The following MTHFD1L variants were observed in gnomAD, a reference collection of about 807,000 sequenced individuals.
MTHFD1L encodes the protein methylenetetrahydrofolate dehydrogenase (NADP+ dependent) 1 like, also known as monofunctional C1-tetrahydrofolate synthase, mitochondrial.
In MTHFD1L, 81 loss-of-function variants were observed where a neutral mutation model predicts 119.5. That is an observed-to-expected ratio of 0.68 (90% CI 0.57 to 0.82). MTHFD1L has a LOEUF of 0.82. Ranked by LOEUF, MTHFD1L falls within the 40% of genes least tolerant of loss-of-function variation. The probability of loss-of-function intolerance (pLI) is 0.00; values close to 1 mark genes in which losing one functional copy is unlikely to be tolerated. For missense variants in MTHFD1L, 1,125 were observed against 1,253.4 expected (o/e 0.90, Z 1.55); for synonymous variants, 430 against 475.2 (o/e 0.90, Z 1.24).
intron 20 of MTHFD1L, among the ~76,000 whole-genome samples, chr6:151,000,335 CAAAA>C (rs946814251): frequency 5.3e-5 from 4 of 75,276 alleles, no homozygotes; most frequent in African/African-American, 9.0e-5. Context: ...GACTCTGTCT[CAAAA>C]AAAAAAAAAA....
intron 24 of MTHFD1L, chr6:151,022,226 TC>T (rs1784040370): frequency 6.3e-6 from 2 of 317,696 alleles, no homozygotes; most frequent in Non-Finnish European, 1.3e-5. Flanking sequence ...TCTGGTTGGT[TC>T]TTAAGAAATT....
chr6:150,904,098 A>T (rs1232926642), intron 7 of MTHFD1L, among the ~76,000 whole-genome samples: 1 of 152,124 alleles, frequency 6.6e-6, no homozygotes, highest in Non-Finnish European at 1.5e-5. Flanking sequence ...AAAAGGCATC[A>T]CCTGATGCAC....
Position 151,065,910 on chromosome 6 carries a change from T to C in MTHFD1L, c.2848-26557T>C, listed in dbSNP as rs575511917. 9.2e-4 allele frequency among the ~76,000 whole-genome samples: 140 copies of C among 152,274 alleles called. 1 individual carries two copies. The highest frequency in any genetic ancestry group is 3.3e-3 in the African/African-American group (137 of 41,564). ...CTGTAGAGTAGAAGAACTAAATGTC[T>C]CACACAGGCAAAGACTACTCTTCAA... is the stretch of plus-strand genomic sequence containing the variant. On this transcript the variant is annotated intron_variant, in intron 26 of 27. Transcript: ENST00000367321.
At chr6:151,080,149 G>T (rs1461654962) in intron 26 of MTHFD1L, among the ~76,000 whole-genome samples, 2 of 152,090 alleles carry the variant, frequency 1.3e-5, no homozygotes, top group African/African-American at 4.8e-5. Flanking sequence ...TTGCACTCCA[G>T]CCTGGATGAC....
chr6:151,099,753 G>T, intron 27 of MTHFD1L: 2 of 1,609,682 alleles, frequency 1.2e-6, no homozygotes, highest in East Asian at 2.2e-5. Context: ...GCTTCCGGAA[G>T]TTCCTGGTCC....
At chr6:150,999,969 C>G (rs2128462890) in intron 20 of MTHFD1L, among the ~76,000 whole-genome samples, 1 of 152,328 alleles carries the variant, frequency 6.6e-6, no homozygotes, top group South Asian at 2.1e-4. Context: ...TGCACCACCT[C>G]CAATCTTCCC....
intron 16 of MTHFD1L, among the ~76,000 whole-genome samples, chr6:150,955,184 C>T (rs1392088863): frequency 6.6e-6 from 1 of 152,130 alleles, no homozygotes; most frequent in African/African-American, 2.4e-5. Flanking sequence ...TAATTACTCC[C>T]CTCTTCTGCC....
chr6:150,928,155 G>A lies in MTHFD1L; in HGVS notation c.1256+1860G>A, dbSNP rs114933079. ...AAAGCAAAAATATTATCCAAAACAG[G>A]CCAAGCGCGGTGGCTCACACCTGTA... On this transcript the variant is annotated intron_variant, in intron 11 of 27. Coordinates refer to ENST00000367321, the MANE Select transcript of MTHFD1L (RefSeq NM_015440.5). 8.7e-3 allele frequency among the ~76,000 whole-genome samples: 1,322 copies of A among 152,070 alleles called. 17 individuals carry two copies. The highest frequency in any genetic ancestry group is 0.03 in the African/African-American group (1,255 of 41,496).
At chr6:151,019,033 C>G (rs1014308553) in intron 24 of MTHFD1L, among the ~76,000 whole-genome samples, 8 of 152,204 alleles carry the variant, frequency 5.3e-5, no homozygotes, top group African/African-American at 1.7e-4. Context: ...TGTAGCCCTG[C>G]TGTGGGCAAG....
At chr6:151,047,074 A>G (rs894412246) in intron 26 of MTHFD1L, among the ~76,000 whole-genome samples, 9 of 151,624 alleles carry the variant, frequency 5.9e-5, no homozygotes, top group Non-Finnish European at 1.0e-4. Context: ...ATCAGATTAC[A>G]ATAAGTCCTC....
chr6:151,006,309 G>A (rs1252551865), intron 20 of MTHFD1L, among the ~76,000 whole-genome samples: 1 of 152,184 alleles, frequency 6.6e-6, no homozygotes, highest in African/African-American at 2.4e-5. Flanking sequence ...GGCAGAGAGG[G>A]GAGAGAGGAA....
At chr6:151,095,484 T>C (rs1794825374) in intron 27 of MTHFD1L, among the ~76,000 whole-genome samples, 1 of 152,234 alleles carries the variant, frequency 6.6e-6, no homozygotes, top group Admixed American at 6.5e-5. Flanking sequence ...TCCAAGTAGG[T>C]CATATAAGTC....
chr6:150,910,280 T>C (rs893008916), intron 8 of MTHFD1L, among the ~76,000 whole-genome samples: 1 of 151,680 alleles, frequency 6.6e-6, no homozygotes, highest in Non-Finnish European at 1.5e-5. Flanking sequence ...AAAAAAATTC[T>C]TGGCCGGATG....
chr6:150,963,765 G>A (rs552665935), intron 18 of MTHFD1L, among the ~76,000 whole-genome samples: 1 of 152,184 alleles, frequency 6.6e-6, no homozygotes, highest in East Asian at 1.9e-4. Context: ...TCCCCCCCTA[G>A]AGCTACCGTT....
At chr6:151,095,211 T>C (rs999219358) in intron 27 of MTHFD1L, among the ~76,000 whole-genome samples, 2 of 152,210 alleles carry the variant, frequency 1.3e-5, no homozygotes, top group Admixed American at 6.5e-5. Flanking sequence ...AAGAAACCCA[T>C]AAACTCAAGT....
chr6:150,877,941 T>C (rs1780731718), intron 4 of MTHFD1L, 115 bp downstream of exon 4: 3 of 1,197,966 alleles, frequency 2.5e-6, no homozygotes, highest in Middle Eastern at 2.3e-4. Context: ...TGTGACTGAA[T>C]GTTAGAGGGA....
chr6:151,012,048 A>C (rs1036253686), intron 21 of MTHFD1L, among the ~76,000 whole-genome samples: 34 of 147,370 alleles, frequency 2.3e-4, no homozygotes, highest in Non-Finnish European at 4.5e-4. Flanking sequence ...AAAAAAAAAA[A>C]AAACCAGCAG....
chr6:150,916,703 A>G (rs947989224), intron 8 of MTHFD1L, among the ~76,000 whole-genome samples: 8 of 123,296 alleles, frequency 6.5e-5, no homozygotes, highest in Non-Finnish European at 1.2e-4. Flanking sequence ...CTAAAATGCA[A>G]TTTTTTAGTT....
intron 20 of MTHFD1L, among the ~76,000 whole-genome samples, chr6:150,983,508 G>GCTGT (rs1466833612): frequency 1.3e-5 from 2 of 152,164 alleles, no homozygotes; most frequent in Non-Finnish European, 2.9e-5. Context: ...AGCCGAGAGT[G>GCTGT]CTGTCCCCTT....
Sources: allele counts gnomAD v4.1 joint callset (sites outside exome capture counted in the v4.1 genomes callset), GRCh38; gene constraint gnomAD v4.1.1; transcripts MANE v1.5; gene names NCBI Gene and HGNC (gene_info 2026-07-23, HGNC 2026-07-21).